Variants in PLXNA4 observed in about 807,000 individuals in gnomAD.
PLXNA4 encodes plexin A4, also known as plexin-A4.
PLXNA4 carries 44 observed loss-of-function variants against 191.8 expected under a neutral mutation model. The observed-to-expected ratio is 0.23, with a 90% confidence interval of 0.18 to 0.29. PLXNA4 has a LOEUF of 0.29. PLXNA4 is among the 10% of genes least tolerant of loss of function. PLXNA4 has a pLI of 1.00. For missense variants in PLXNA4, 1,800 were observed against 2,488.8 expected (o/e 0.72, Z 5.89); for synonymous variants, 1,082 against 1,009.5 (o/e 1.07, Z -1.36).
intron 1 of PLXNA4, among the ~76,000 whole-genome samples, chr7:132,553,431 G>T (rs1314256508): frequency 6.6e-6 from 1 of 152,154 alleles, no homozygotes; most frequent in African/African-American, 2.4e-5. Flanking sequence ...CAGCCCAGGG[G>T]GAGAGCTTCC....
chr7:132,281,446 A>G (rs1188084844), intron 4 of PLXNA4, among the ~76,000 whole-genome samples: 1 of 152,210 alleles, frequency 6.6e-6, no homozygotes, highest in Non-Finnish European at 1.5e-5. Context: ...AGGGGTCAAA[A>G]TTCTCTGAAA....
intron 3 of PLXNA4, among the ~76,000 whole-genome samples, chr7:132,447,205 A>T (rs1795945422): frequency 6.6e-6 from 1 of 152,160 alleles, no homozygotes; most frequent in South Asian, 2.1e-4. Context: ...GGAATAGCGC[A>T]TCACCTGGAT....
intron 25 of PLXNA4, among the ~76,000 whole-genome samples, chr7:132,158,481 G>A (rs1044297237): frequency 6.6e-6 from 1 of 152,092 alleles, no homozygotes; most frequent in Admixed American, 6.5e-5. Flanking sequence ...CAACAAACAG[G>A]CACAGACAGT....
chr7:132,172,145 C>G (rs1271441859), intron 21 of PLXNA4, among the ~76,000 whole-genome samples: 1 of 152,174 alleles, frequency 6.6e-6, no homozygotes, highest in Non-Finnish European at 1.5e-5. Context: ...CCTCCCCAGC[C>G]CAAGCAAATG....
intron 27 of PLXNA4, 124 bp downstream of exon 27, chr7:132,147,775 TG>T: frequency 1.5e-6 from 2 of 1,302,580 alleles, no homozygotes; most frequent in Non-Finnish European, 2.1e-6. Context: ...TCTTCCCCGA[TG>T]GTCAGCCTGT....
At chr7:132,599,684 C>A (rs1802780704) in intron 2 of PLXNA4, among the ~76,000 whole-genome samples, 2 of 147,940 alleles carry the variant, frequency 1.4e-5, no homozygotes, top group African/African-American at 5.0e-5. Flanking sequence ...ACTTCTCCCC[C>A]TTTTTTTTTT....
intron 3 of PLXNA4, among the ~76,000 whole-genome samples, chr7:132,323,598 G>A (rs1563035124): frequency 6.6e-6 from 1 of 152,152 alleles, no homozygotes. Flanking sequence ...TGTGCAAGGT[G>A]TCACCATGCC....
chr7:132,291,983 A>G (rs1005480832), intron 4 of PLXNA4, among the ~76,000 whole-genome samples: 5 of 151,934 alleles, frequency 3.3e-5, no homozygotes, highest in African/African-American at 1.2e-4. Context: ...TTTAGTAGAG[A>G]TGGGTTTCTC....
chr7:132,233,240 G>C (rs1798583221), intron 5 of PLXNA4, among the ~76,000 whole-genome samples: 1 of 152,174 alleles, frequency 6.6e-6, no homozygotes, highest in Non-Finnish European at 1.5e-5. Flanking sequence ...GAAGAGACTA[G>C]AATTCCTAAT....
intron 6 of PLXNA4, among the ~76,000 whole-genome samples, chr7:132,228,030 A>G (rs1291115420): frequency 1.3e-5 from 2 of 152,038 alleles, no homozygotes; most frequent in African/African-American, 4.8e-5. Flanking sequence ...CATCTTTCCC[A>G]TTTTATAGTT....
At chr7:132,201,290 C>A (rs763742217) in intron 12 of PLXNA4, among the ~76,000 whole-genome samples, 1 of 152,160 alleles carries the variant, frequency 6.6e-6, no homozygotes, top group Non-Finnish European at 1.5e-5. Flanking sequence ...TTCTGTCGTG[C>A]AAGCTGCCTA....
chr7:132,547,628 T>C (rs1800366691), intron 1 of PLXNA4, among the ~76,000 whole-genome samples: 2 of 152,072 alleles, frequency 1.3e-5, no homozygotes, highest in Non-Finnish European at 2.9e-5. Context: ...GGATTCCAAC[T>C]CTGGCCTACT....
chr7:132,414,959 C>A (rs1261010389), intron 3 of PLXNA4, among the ~76,000 whole-genome samples: 1 of 152,214 alleles, frequency 6.6e-6, no homozygotes, highest in Non-Finnish European at 1.5e-5. Context: ...CCATTGGAAT[C>A]CACAACCTCC....
At chr7:132,171,467 C>T (rs1417257661) in intron 21 of PLXNA4, among the ~76,000 whole-genome samples, 3 of 152,224 alleles carry the variant, frequency 2.0e-5, no homozygotes, top group Non-Finnish European at 2.9e-5. Flanking sequence ...GGATGTCTCT[C>T]TAAAGCCTTC....
intron 1 of PLXNA4, among the ~76,000 whole-genome samples, chr7:132,562,801 CCT>C: frequency 3.0e-5 from 1 of 33,716 alleles, no homozygotes; most frequent in Non-Finnish European, 8.3e-5. Context: ...TCCACCTCCT[CCT>C]TCTCCTCCTC....
chr7:132,344,312 A>G (rs1803154956), intron 3 of PLXNA4, among the ~76,000 whole-genome samples: 1 of 151,912 alleles, frequency 6.6e-6, no homozygotes, highest in South Asian at 2.1e-4. Flanking sequence ...AGATATTATC[A>G]TTTTCTACAT....
chr7:132,199,472 G>C (rs1359880855), intron 12 of PLXNA4, among the ~76,000 whole-genome samples: 1 of 152,170 alleles, frequency 6.6e-6, no homozygotes, highest in Non-Finnish European at 1.5e-5. Flanking sequence ...TAAAATGTGA[G>C]GACTCAGCAT....
Position 132,164,346 on chromosome 7 carries a change from A to G in PLXNA4, c.4354-58T>C. The G allele has an allele frequency of 5.0e-6, 8 of 1,591,320 alleles. No individual in the cohort carries two copies. In the Admixed American group the frequency reaches 1.4e-4, roughly 27 times the overall value. ...TCTTGGAACACTGGAGTGTACCCCC[A>G]GTCCCTGCTTCTCCAAAGGGCTGCT... On this transcript the variant is annotated intron_variant, in intron 23 of 31. Transcript: ENST00000321063.
intron 3 of PLXNA4, among the ~76,000 whole-genome samples, chr7:132,484,310 C>T (rs912569927): frequency 2.0e-5 from 3 of 152,178 alleles, no homozygotes; most frequent in Non-Finnish European, 4.4e-5. Context: ...GAAAGACTAA[C>T]GACAGAATGC....
Sources: gnomAD v4.1 joint callset for allele counts (sites outside exome capture counted in the v4.1 genomes callset) on GRCh38, gnomAD v4.1.1 for gene constraint, MANE v1.5 for transcripts, NCBI Gene and HGNC (gene_info 2026-07-23, HGNC 2026-07-21) for gene names.